Variants in ZNF367 observed in about 807,000 individuals in gnomAD.
ZNF367 encodes the protein C2H2 zinc finger protein ZFF29.
ZNF367 carries 11 observed loss-of-function variants against 31.8 expected under a neutral mutation model. The observed-to-expected ratio is 0.35, with a 90% CI of 0.22 to 0.57. The LOEUF (loss-of-function observed/expected upper bound fraction) is 0.57, where lower values mean the gene tolerates loss of function less well. Ranked by LOEUF, ZNF367 falls within the 20% of genes least tolerant of loss-of-function variation. ZNF367 has a pLI of 0.85. For synonymous variants in ZNF367, 199 were observed against 202.4 expected, an observed-to-expected ratio of 0.98 and a Z score of 0.14; for missense variants, 353 against 484.1, an observed-to-expected ratio of 0.73 and a Z score of 2.54.
chr9:96,407,577 TCGAGCTA>T, intron 1 of ZNF367: 1 of 1,436,516 alleles, frequency 7.0e-7, no homozygotes, highest in Non-Finnish European at 9.8e-7. Context: ...AGGGACAATC[TCGAGCTA>T]AAGTACTTTC....
intron 2 of ZNF367, among the ~76,000 whole-genome samples, chr9:96,397,070 T>A (rs1405849905): frequency 3.3e-5 from 5 of 152,338 alleles, no homozygotes; most frequent in South Asian, 2.1e-4. Context: ...CTTTTTTTCA[T>A]ATTAAGTATG....
In ZNF367 at chr9:96,418,090, G is replaced by A. The variant is rs1482472987; in HGVS notation, c.-58C>T. 17 of 1,315,734 alleles carry A rather than the reference G, an allele frequency of 1.3e-5. No individual in the cohort carries two copies. Among genetic ancestry groups the A allele is most frequent in the Non-Finnish European group, 1.5e-5 (15 of 1,033,770 alleles). 81.5% of individuals were successfully genotyped at this position (1,315,734 alleles called of 1,614,324 possible). A position where few individuals can be genotyped will look rare whatever the true frequency, so the allele number is the denominator to read the frequency against. On this transcript the variant is annotated 5_prime_UTR_variant, in exon 1 of 5. Coordinates refer to ENST00000375256, the MANE Select transcript of ZNF367 (RefSeq NM_153695.4). ...GGGCCGCACTCCTGAGCACCGCTCT[G>A]CCCCTCACTCGCTCTGCTCCGAGTC...
intron 4 of ZNF367, among the ~76,000 whole-genome samples, chr9:96,389,302 G>GA (rs11438398): frequency 0.31 from 34,272 of 111,986 alleles, 5,645 homozygotes; most frequent in African/African-American, 0.54. Flanking sequence ...TCCGTTTCAA[G>GA]AAAAAAAAAA....
Position 96,418,015 on chromosome 9 carries a change from C to G in ZNF367, c.18G>C (p.Glu6Asp). ...GCGGCGGGTTCTCCGCCATGGGCGC[C>G]TCGAAGCCCCGGATCATCGCCCGGC... is the stretch of plus-strand genomic sequence containing the variant. MIRGF[E>D]APMAENPPPP... Residue 6 changes from glutamate (E) to aspartate (D), a missense_variant, in exon 1 of 5, where the codon GAG becomes GAC. Around this residue, in one of 5 missense-constraint regions of ZNF367, gnomAD observed 94 missense variants for 86.7 expected, o/e 1.08. Coordinates refer to ENST00000375256, the MANE Select transcript of ZNF367 (RefSeq NM_153695.4). The G allele has an allele frequency of 7.2e-7, 1 of 1,385,546 alleles. No homozygotes were observed. Among genetic ancestry groups the G allele is most frequent in the Non-Finnish European group, 9.3e-7 (1 of 1,076,928 alleles). 85.8% of individuals were successfully genotyped at this position (1,385,546 alleles called of 1,614,324 possible). A position where few individuals can be genotyped will look rare whatever the true frequency, so the allele number is the denominator to read the frequency against.
intron 1 of ZNF367, among the ~76,000 whole-genome samples, chr9:96,416,182 C>T (rs1475607661): frequency 6.6e-6 from 1 of 150,752 alleles, no homozygotes; most frequent in Non-Finnish European, 1.5e-5. Flanking sequence ...CCGCCTCCCG[C>T]TTCACGCCAT....
chr9:96,414,015 C>T (rs921762289), intron 1 of ZNF367, among the ~76,000 whole-genome samples: 1 of 152,172 alleles, frequency 6.6e-6, no homozygotes, highest in African/African-American at 2.4e-5. Context: ...AGCACAATTC[C>T]CTGATGATGC....
chr9:96,407,635 T>C, intron 1 of ZNF367: 1 of 1,447,674 alleles, frequency 6.9e-7, no homozygotes, highest in Middle Eastern at 1.8e-4. Context: ...GGCGGGAAAA[T>C]GGGAAGTCCC....
At chr9:96,402,819 C>A (rs1831625333) in intron 1 of ZNF367, among the ~76,000 whole-genome samples, 1 of 151,764 alleles carries the variant, frequency 6.6e-6, no homozygotes, top group Non-Finnish European at 1.5e-5. Flanking sequence ...AGAAGATCCA[C>A]AAAGATATTC....
chr9:96,396,250 G>A (rs1210404608), intron 2 of ZNF367, among the ~76,000 whole-genome samples: 1 of 151,920 alleles, frequency 6.6e-6, no homozygotes, highest in African/African-American at 2.4e-5. Flanking sequence ...ACCCACACTG[G>A]CAACTCTACG....
Position 96,418,197 on chromosome 9 carries a change from G to A in ZNF367, c.-165C>T, listed in dbSNP as rs1464647919. ...CAGCCACCTAACTAGTTGAGCAGAC[G>A]GCACCGGCGGGCAGGGCTGGACCCC... On this transcript the variant is annotated 5_prime_UTR_variant, in exon 1 of 5. Transcript: ENST00000375256. 4.7e-6 allele frequency: 5 copies of A among 1,072,574 alleles called. No homozygotes were observed. Among genetic ancestry groups the A allele is most frequent in the Non-Finnish European group, 6.0e-6 (5 of 836,592 alleles). The allele number at this position is 1,072,574 out of a possible 1,614,324, so 66.4% of individuals were successfully genotyped here.
chr9:96,410,110 A>T (rs560722153), intron 1 of ZNF367, among the ~76,000 whole-genome samples: 1 of 150,726 alleles, frequency 6.6e-6, no homozygotes, highest in African/African-American at 2.4e-5. Flanking sequence ...AAAAATGCAA[A>T]AAATTAGCTG....
intron 1 of ZNF367, chr9:96,407,489 A>T (rs1216925756): frequency 7.7e-7 from 1 of 1,298,804 alleles, no homozygotes. Flanking sequence ...TCAAAGATGC[A>T]TGAAAAGAAA....
chr9:96,410,160 G>A (rs1053815955), intron 1 of ZNF367, among the ~76,000 whole-genome samples: 1 of 151,918 alleles, frequency 6.6e-6, no homozygotes, highest in Non-Finnish European at 1.5e-5. Context: ...CTACTCGGGA[G>A]GCTGAGGCAG....
chr9:96,403,196 C>T (rs1189968105), intron 1 of ZNF367, among the ~76,000 whole-genome samples: 2 of 152,136 alleles, frequency 1.3e-5, no homozygotes, highest in Non-Finnish European at 2.9e-5. Flanking sequence ...TCTTGAACTC[C>T]TGACCTCGTG....
At chr9:96,407,474 G>A (rs979294744) in intron 1 of ZNF367, 5 of 1,317,740 alleles carry the variant, frequency 3.8e-6, no homozygotes, top group Middle Eastern at 2.6e-4. Flanking sequence ...ATGAAAAAAA[G>A]ACTATCAAAG....
At position 96,388,093 on chromosome 9, in the gene ZNF367, A is replaced by T; in HGVS notation, c.*144T>A. ...AAAGTGCAGTTCTCTCTCACCCCAT[A>T]TTCTGGGGCAATAACATTCTTCATA... On this transcript the variant is annotated 3_prime_UTR_variant, in exon 5 of 5. Transcript: ENST00000375256. The T allele has an allele frequency of 1.3e-6, 1 of 750,340 alleles. No individual in the cohort carries two copies. Among genetic ancestry groups the T allele is most frequent in the Non-Finnish European group, 2.1e-6 (1 of 472,904 alleles). The allele number at this position is 750,340 out of a possible 1,614,324, so 46.5% of individuals were successfully genotyped here.
rs1391529039 is a variant in ZNF367 at position 96,387,468 on chromosome 9, T to G, written c.*769A>C. The G allele has an allele frequency of 6.6e-6, 1 of 152,188 alleles. No individual in the cohort carries two copies. Among genetic ancestry groups the G allele is most frequent in the Non-Finnish European group, 1.5e-5 (1 of 68,018 alleles). The allele number at this position is 152,188 out of a possible 1,614,324, so 9.4% of individuals were successfully genotyped here. On this transcript the variant is annotated 3_prime_UTR_variant, in exon 5 of 5. Coordinates refer to ENST00000375256, the MANE Select transcript of ZNF367 (RefSeq NM_153695.4). ...ACCAATTACTATGTTACCTAGACTT[T>G]GCAAGATTAATCACTCAATTTCAGC...
chr9:96,388,395 G>C lies in ZNF367; in HGVS notation c.895C>G (p.Gln299Glu), dbSNP rs770591603. Reference sequence around the variant, plus strand: ...TATTCCAGAGGGTCCTGCTGCTCCTGATCAGCCTTCTGAACCAGCTTGCCT... The same window carrying C: ...TATTCCAGAGGGTCCTGCTGCTCCTCATCAGCCTTCTGAACCAGCTTGCCT... ...LKGKLVQKADQEQQDPLEYLQ... is the reference protein window; with the variant it reads ...LKGKLVQKADEEQQDPLEYLQ... The change falls in exon 5 of 5, where the codon CAG becomes GAG. Residue 299 changes from glutamine to glutamate, a missense_variant. By Grantham distance (29) the Gln-to-Glu change is conservative. Around this residue, in one of 5 missense-constraint regions of ZNF367, gnomAD observed 101 missense variants for 140.0 expected, o/e 0.72. Coordinates refer to ENST00000375256, the MANE Select transcript of ZNF367 (RefSeq NM_153695.4). 1.2e-6 allele frequency: 2 copies of C among 1,614,058 alleles called. No individual in the cohort carries two copies. The highest frequency in any genetic ancestry group is 2.2e-5 in the East Asian group (1 of 44,886).
chr9:96,403,046 T>G (rs1831627758), intron 1 of ZNF367, among the ~76,000 whole-genome samples: 1 of 152,064 alleles, frequency 6.6e-6, no homozygotes, highest in Non-Finnish European at 1.5e-5. Context: ...CTCAGCTCAT[T>G]GCAACCTCCA....
Sources: gnomAD v4.1 joint callset for allele counts (sites outside exome capture counted in the v4.1 genomes callset) on GRCh38, gnomAD v4.1.1 for gene constraint, gnomAD v4.1.1 regional missense constraint, MANE v1.5 for transcripts, NCBI Gene and HGNC (gene_info 2026-07-23, HGNC 2026-07-21) for gene names.